Variants in PDZD2 observed in about 807,000 individuals in gnomAD.
PDZD2 encodes the protein PDZ domain containing 2.
Under a neutral mutation model 220.7 loss-of-function variants are expected in PDZD2, and 90 were observed. That is an observed-to-expected ratio of 0.41 (90% CI 0.34 to 0.49). The LOEUF (loss-of-function observed/expected upper bound fraction) is 0.49. Among genes scored for constraint, PDZD2 ranks in the 20% least tolerant of loss-of-function variants. PDZD2 has a pLI of 0.28. For synonymous variants in PDZD2, 1,375 were observed against 1,450.5 expected, an observed-to-expected ratio of 0.95 and a Z score of 1.18; for missense variants, 3,174 against 3,608.5, an observed-to-expected ratio of 0.88 and a Z score of 3.08.
intron 1 of PDZD2, among the ~76,000 whole-genome samples, chr5:31,733,288 C>A (rs997955887): frequency 1.3e-5 from 2 of 152,282 alleles, no homozygotes; most frequent in African/African-American, 4.8e-5. Context: ...GAATTTCAAA[C>A]CGTATTTAGC....
chr5:31,824,382 T>TCC (rs34500253), intron 2 of PDZD2, among the ~76,000 whole-genome samples: 57,654 of 151,998 alleles, frequency 0.38, 11,214 homozygotes, highest in African/African-American at 0.44. Context: ...TAGTACTTGA[T>TCC]CCCTCTCCTG....
At chr5:31,727,116 A>G (rs773109039) in intron 1 of PDZD2, among the ~76,000 whole-genome samples, 3 of 151,920 alleles carry the variant, frequency 2.0e-5, no homozygotes, top group Non-Finnish European at 4.4e-5. Flanking sequence ...TGAGCGATCC[A>G]CCCCCACCGT....
At chr5:31,942,782 C>G (rs1013959930) in intron 2 of PDZD2, among the ~76,000 whole-genome samples, 1 of 152,190 alleles carries the variant, frequency 6.6e-6, no homozygotes, top group Admixed American at 6.5e-5. Context: ...AGAGTTCAAA[C>G]CAGTGTCAGA....
intron 2 of PDZD2, among the ~76,000 whole-genome samples, chr5:31,874,760 TAA>T (rs11390710): frequency 2.0e-4 from 28 of 139,154 alleles, no homozygotes; most frequent in Admixed American, 2.2e-4. Context: ...GACTCTATCT[TAA>T]AAAAAAAAAA....
chr5:32,098,318 C>T lies in PDZD2; in HGVS notation c.7948-46C>T, dbSNP rs774557696. 1.3e-5 allele frequency: 20 copies of T among 1,583,514 alleles called. No homozygotes were observed. The highest frequency in any genetic ancestry group is 7.9e-5 in the South Asian group (7 of 88,154). ...TTACTATCTCCCTTTTACCGGAAAT[C>T]GTAAGTGGATCTGGTTTTTGTTCCC... is the stretch of plus-strand genomic sequence containing the variant. On this transcript the variant is annotated intron_variant, in intron 22 of 24. Transcript: ENST00000438447. This position sits in a 1 kb window ranked among gnomAD's most constrained non-coding sequence, Gnocchi z 4.1.
intron 4 of PDZD2, among the ~76,000 whole-genome samples, chr5:31,999,157 ATGTT>A (rs1751887323): frequency 6.9e-6 from 1 of 145,486 alleles, no homozygotes; most frequent in African/African-American, 2.5e-5. Flanking sequence ...GAAACAGAAA[ATGTT>A]TGTGTACACC....
intron 21 of PDZD2, among the ~76,000 whole-genome samples, chr5:32,094,851 C>G (rs2111606384): frequency 6.6e-6 from 1 of 152,306 alleles, no homozygotes; most frequent in African/African-American, 2.4e-5. Context: ...GCACTCCAGC[C>G]TGGGTGACAG....
At chr5:31,768,351 C>T (rs940780096) in intron 1 of PDZD2, among the ~76,000 whole-genome samples, 2 of 152,126 alleles carry the variant, frequency 1.3e-5, no homozygotes, top group East Asian at 1.9e-4. Context: ...GGATTAGAAC[C>T]GAGACAAAAG....
At chr5:32,003,201 CCA>C (rs202242429) in intron 5 of PDZD2, among the ~76,000 whole-genome samples, 1 of 100,418 alleles carries the variant, frequency 1.0e-5, no homozygotes, top group Non-Finnish European at 1.9e-5. Flanking sequence ...ACTACACACA[CCA>C]CACACATCAC....
chr5:31,823,318 A>G (rs1017240997), intron 2 of PDZD2, among the ~76,000 whole-genome samples: 2 of 152,080 alleles, frequency 1.3e-5, no homozygotes, highest in African/African-American at 4.8e-5. Flanking sequence ...ATAGAAAAAA[A>G]TTAGCTTGGT....
At chr5:31,662,291 A>G (rs1053648999) in intron 1 of PDZD2, among the ~76,000 whole-genome samples, 1 of 152,158 alleles carries the variant, frequency 6.6e-6, no homozygotes, top group Non-Finnish European at 1.5e-5. Flanking sequence ...AGCCTGGGCG[A>G]CAAGGATGAA....
At chr5:31,698,084 T>G (rs879863879) in intron 1 of PDZD2, among the ~76,000 whole-genome samples, 4 of 149,592 alleles carry the variant, frequency 2.7e-5, no homozygotes, top group African/African-American at 7.4e-5. Context: ...TTTTTTGTAT[T>G]TTTTAGTAGA....
chr5:31,912,782 G>A (rs868310977), intron 2 of PDZD2, among the ~76,000 whole-genome samples: 1 of 152,204 alleles, frequency 6.6e-6, no homozygotes, highest in Non-Finnish European at 1.5e-5. Context: ...TTTAGTGGAG[G>A]AAGGCTTTCT....
At chr5:32,003,230 A>G (rs1476790000) in intron 5 of PDZD2, among the ~76,000 whole-genome samples, 1 of 1,234 alleles carries the variant, frequency 8.1e-4, no homozygotes, top group Non-Finnish European at 1.6e-3. Flanking sequence ...ACACACCAAC[A>G]TATACCTTCA....
intron 1 of PDZD2, among the ~76,000 whole-genome samples, chr5:31,723,689 C>G (rs1361612062): frequency 6.6e-6 from 1 of 152,156 alleles, no homozygotes; most frequent in Non-Finnish European, 1.5e-5. Context: ...GCGATCTTGG[C>G]TCAGTGCAAC....
intron 2 of PDZD2, among the ~76,000 whole-genome samples, chr5:31,946,535 T>C (rs943192914): frequency 2.0e-5 from 3 of 152,190 alleles, no homozygotes; most frequent in African/African-American, 4.8e-5. Flanking sequence ...TGTCAGAATG[T>C]TTTTATGGCA....
intron 1 of PDZD2, among the ~76,000 whole-genome samples, chr5:31,648,821 G>A (rs1432345878): frequency 6.6e-6 from 1 of 151,962 alleles, no homozygotes; most frequent in African/African-American, 2.4e-5. Flanking sequence ...TGTTACAGTC[G>A]ATGAACCTGT....
chr5:31,882,726 A>C (rs1740037832), intron 2 of PDZD2, among the ~76,000 whole-genome samples: 1 of 152,120 alleles, frequency 6.6e-6, no homozygotes. Context: ...TGAAACCTAC[A>C]ATTTAAAAGG....
intron 3 of PDZD2, among the ~76,000 whole-genome samples, chr5:31,994,825 GTATATATAAGTAATATAGT>G (rs1751507026): frequency 6.6e-6 from 1 of 152,136 alleles, no homozygotes; most frequent in Non-Finnish European, 1.5e-5. Flanking sequence ...GCTTATATGT[GTATATATAAGTAATATAGT>G]TACCTATCAA....
Sources: gnomAD v4.1 joint callset for allele counts (sites outside exome capture counted in the v4.1 genomes callset) on GRCh38, gnomAD v4.1.1 for gene constraint, Gnocchi (gnomAD v3.1) non-coding constraint, MANE v1.5 for transcripts, NCBI Gene and HGNC (gene_info 2026-07-23, HGNC 2026-07-21) for gene names.